BPTF: variants seen among roughly 807,000 people sequenced by gnomAD.
BPTF encodes nucleosome-remodeling factor subunit BPTF.
In BPTF, 18 loss-of-function variants were observed where a neutral mutation model predicts 292.5. The ratio of observed to expected loss-of-function variants is 0.06; its 90% CI spans 0.04 to 0.09. The LOEUF is 0.09. Ranked by LOEUF, BPTF falls within the 10% of genes least tolerant of loss-of-function variation. The pLI is 1.00. For missense variants in BPTF, 2,726 were observed against 3,498.7 expected (o/e 0.78, Z 5.57); for synonymous variants, 1,225 against 1,251.9 (o/e 0.98, Z 0.45).
chr17:67,838,892 T>C (rs2057341195), intron 1 of BPTF, among the ~76,000 whole-genome samples: 1 of 152,272 alleles, frequency 6.6e-6, no homozygotes, highest in Non-Finnish European at 1.5e-5. Context: ...CCTGCTCTGC[T>C]GGGGCTTCTA....
chr17:67,944,923 GA>G (rs781886350), intron 20 of BPTF, among the ~76,000 whole-genome samples: 134,169 of 151,912 alleles, frequency 0.88, 61,660 homozygotes, highest in East Asian at 1. Flanking sequence ...GGACAGCCAA[GA>G]AGCAGGGCCC....
chr17:67,892,496 G>A (rs1471129983), intron 5 of BPTF, among the ~76,000 whole-genome samples: 1 of 152,202 alleles, frequency 6.6e-6, no homozygotes, highest in Non-Finnish European at 1.5e-5. Context: ...TGGCATCCCA[G>A]CTCTGATCAT....
At chr17:67,859,987 T>C (rs764976740) in intron 2 of BPTF, among the ~76,000 whole-genome samples, 11 of 152,226 alleles carry the variant, frequency 7.2e-5, no homozygotes, top group Non-Finnish European at 1.3e-4. Context: ...TATTTTATTT[T>C]TCTTAGTGGA....
chr17:67,854,931 T>C lies in BPTF; in HGVS notation c.1436+169T>C, dbSNP rs978216255. On this transcript the variant is annotated intron_variant, in intron 2 of 27. Coordinates refer to ENST00000306378, the MANE Select transcript of BPTF (RefSeq NM_182641.4). This position sits in a 1 kb window ranked among gnomAD's most constrained non-coding sequence, Gnocchi z 5.6. ...AGGAATATGTGCATTAAAATAGCTT[T>C]TAAGAAGGTAAAGGAAACATATATG... Among the ~76,000 whole-genome samples, 6 of 152,198 alleles carry C rather than the reference T, an allele frequency of 3.9e-5. No homozygotes were observed. The highest frequency in any genetic ancestry group is 2.6e-4 in the Admixed American group (4 of 15,276).
intron 27 of BPTF, among the ~76,000 whole-genome samples, chr17:67,977,423 G>A (rs1269504687): frequency 6.6e-6 from 1 of 152,032 alleles, no homozygotes; most frequent in African/African-American, 2.4e-5. Flanking sequence ...GCTGAGGCAT[G>A]AGAATCGCTT....
rs1004630866 is a variant in BPTF at position 67,866,759 on chromosome 17, A to G, written c.1660+72A>G. On this transcript the variant is annotated intron_variant, in intron 3 of 27. Coordinates refer to ENST00000306378, the MANE Select transcript of BPTF (RefSeq NM_182641.4). ...ACCGTTGGTATGAAATCACTGCAAA[A>G]TTTGAAAATAGATTAAAATTTTCAA... is the stretch of plus-strand genomic sequence containing the variant. The G allele has an allele frequency of 4.9e-6, 6 of 1,236,496 alleles. No individual in the cohort carries two copies. The African/African-American group carries it at 9.2e-5, about 19-fold the overall frequency. The allele number at this position is 1,236,496 out of a possible 1,614,324, so 76.6% of individuals were successfully genotyped here. A position where few individuals can be genotyped will look rare whatever the true frequency, so the allele number is the denominator to read the frequency against.
At position 67,893,649 on chromosome 17, in the gene BPTF, A is replaced by T; in HGVS notation, c.2335A>T (p.Thr779Ser). The T allele has an allele frequency of 3.7e-6, 6 of 1,611,746 alleles. No homozygotes were observed. Among genetic ancestry groups the T allele is most frequent in the East Asian group, 2.2e-5 (1 of 44,856 alleles). The change falls in exon 6 of 28, where the codon ACT (threonine) becomes TCT (serine). Residue 779 changes from threonine to serine, a missense_variant. Physicochemically the swap from Thr to Ser is moderately conservative, Grantham distance 58. Transcript: ENST00000306378. ...VHGSKVLTIS[T>S]LRLTITQLEN... ...TGGGTCCAAAGTTCTTACCATATCTACTCTGAGACTGACTATCACCCAATT... is the reference window on the plus strand; with the variant it reads ...TGGGTCCAAAGTTCTTACCATATCTTCTCTGAGACTGACTATCACCCAATT...
chr17:67,854,834 AG>A lies in BPTF; in HGVS notation c.1436+73del. On this transcript the variant is annotated intron_variant, in intron 2 of 27. Coordinates refer to ENST00000306378, the MANE Select transcript of BPTF (RefSeq NM_182641.4). The surrounding 1 kb of genome is among the most constrained non-coding windows in gnomAD (Gnocchi z 5.6). ...TAGTTTCCTTCGTGATTGATGTAGC[AG>A]AGCTATGCTGTTGATGTGGTATAAA... 1 of 1,075,164 alleles carries A rather than the reference AG, an allele frequency of 9.3e-7. No individual in the cohort carries two copies. Among genetic ancestry groups the A allele is most frequent in the Non-Finnish European group, 1.4e-6 (1 of 732,192 alleles). The allele number at this position is 1,075,164 out of a possible 1,614,324, so 66.6% of individuals were successfully genotyped here.
chr17:67,951,446 C>A (rs1290340712), intron 23 of BPTF: 1 of 152,192 alleles, frequency 6.6e-6, no homozygotes, highest in Non-Finnish European at 1.5e-5. Flanking sequence ...TCAACAGAAG[C>A]ACTTTGGCCT....
chr17:67,873,076 G>C (rs1443264325), intron 3 of BPTF, among the ~76,000 whole-genome samples: 1 of 152,168 alleles, frequency 6.6e-6, no homozygotes, highest in African/African-American at 2.4e-5. Context: ...GTGAGACTCT[G>C]TCTCTAAAAA....
intron 23 of BPTF, chr17:67,955,499 T>C (rs1375691561): frequency 1.3e-5 from 2 of 151,750 alleles, no homozygotes; most frequent in African/African-American, 4.8e-5. Flanking sequence ...TTCATAGACA[T>C]CTACATGAAG....
At position 67,959,723 on chromosome 17, in the gene BPTF, C is replaced by T; in HGVS notation, c.8109C>T (p.Thr2703=). The change falls in exon 24 of 28, where the codon ACC becomes ACT. Residue 2703 remains threonine (T), a synonymous_variant. Coordinates refer to ENST00000306378, the MANE Select transcript of BPTF (RefSeq NM_182641.4). ...VQHTGLLSTP[T]LPAASQKRKR... ...ACACAGGCCTTCTGTCCACGCCCACCTTACCTGCTGCTTCCCAGAAGAGGA... is the reference window on the plus strand; with the variant it reads ...ACACAGGCCTTCTGTCCACGCCCACTTTACCTGCTGCTTCCCAGAAGAGGA... 1 of 1,613,864 alleles carries T rather than the reference C, an allele frequency of 6.2e-7. No homozygotes were observed. Among genetic ancestry groups the T allele is most frequent in the South Asian group, 1.1e-5 (1 of 91,080 alleles).
rs1420785504 is a variant in BPTF, at chr17:67,866,655, G to T, written c.1628G>T (p.Gly543Val). ...ITEDLTNKAR[G>V]SNKSFLAAAN... is the part of the protein sequence containing the mutation. Reference sequence around the variant, plus strand: ...GAAGACCTGACCAATAAGGCTCGGGGCAGTAACAAATCCTTTCTGGCGGCA... The same window carrying T: ...GAAGACCTGACCAATAAGGCTCGGGTCAGTAACAAATCCTTTCTGGCGGCA... The change falls in exon 3 of 28, where the codon GGC (glycine) becomes GTC (valine). Residue 543 changes from glycine (G) to valine (V), a missense_variant. Gly to Val is a moderately radical substitution (Grantham distance 109). Transcript: ENST00000306378. 1 of 1,613,668 alleles carries T rather than the reference G, an allele frequency of 6.2e-7. No homozygotes were observed. Among genetic ancestry groups the T allele is most frequent in the Non-Finnish European group, 8.5e-7 (1 of 1,179,792 alleles).
intron 9 of BPTF, among the ~76,000 whole-genome samples, chr17:67,905,831 A>T (rs1224195732): frequency 6.6e-6 from 1 of 152,136 alleles, no homozygotes; most frequent in Non-Finnish European, 1.5e-5. Context: ...AAACACTGTC[A>T]CATAAATGAG....
intron 1 of BPTF, among the ~76,000 whole-genome samples, chr17:67,830,153 G>A (rs936974068): frequency 2.6e-5 from 4 of 152,192 alleles, no homozygotes; most frequent in African/African-American, 9.7e-5. Flanking sequence ...TAGGCATTTG[G>A]TAAGGTTCTG....
intron 18 of BPTF, among the ~76,000 whole-genome samples, chr17:67,932,541 A>G (rs188879197): frequency 3.0e-4 from 46 of 152,292 alleles, no homozygotes; most frequent in Middle Eastern, 6.8e-3. Flanking sequence ...TACTAAAAAT[A>G]TTAAAAAATT....
chr17:67,907,893 A>G (rs2062345639), intron 9 of BPTF, among the ~76,000 whole-genome samples: 1 of 152,130 alleles, frequency 6.6e-6, no homozygotes, highest in Admixed American at 6.5e-5. Flanking sequence ...ATACCTTTTT[A>G]CTGTAAGCAG....
chr17:67,862,529 G>A (rs533669315), intron 2 of BPTF, among the ~76,000 whole-genome samples: 2 of 152,272 alleles, frequency 1.3e-5, no homozygotes, highest in South Asian at 2.1e-4. Context: ...ATCGGGATTT[G>A]AACCTAGGCA....
At chr17:67,896,874 A>G (rs3206819) in intron 7 of BPTF, among the ~76,000 whole-genome samples, 18,223 of 152,212 alleles carry the variant, frequency 0.12, 3,628 homozygotes, top group African/African-American at 0.41. Context: ...TTAGCTAGGG[A>G]TACATCTCAA....
Sources: gnomAD v4.1 joint callset for allele counts (sites outside exome capture counted in the v4.1 genomes callset) on GRCh38, gnomAD v4.1.1 for gene constraint, Gnocchi (gnomAD v3.1) non-coding constraint, MANE v1.5 for transcripts, NCBI Gene and HGNC (gene_info 2026-07-23, HGNC 2026-07-21) for gene names.